Variants in KCNH7 observed in about 807,000 individuals in gnomAD.
KCNH7 encodes potassium voltage-gated channel subfamily H member 7.
A neutral mutation model predicts 120.8 loss-of-function variants in KCNH7; 49 were observed. The observed-to-expected ratio is 0.41, with a 90% CI of 0.32 to 0.51. The LOEUF is 0.51. KCNH7 is among the 20% of genes least tolerant of loss of function. The probability of loss-of-function intolerance (pLI) is 0.38; values close to 1 mark genes in which losing one functional copy is unlikely to be tolerated. For synonymous variants in KCNH7, 547 were observed against 516.1 expected (o/e 1.06, Z -0.81); for missense variants, 1,097 against 1,446.6 (o/e 0.76, Z 3.92).
intron 2 of KCNH7, among the ~76,000 whole-genome samples, chr2:162,615,612 G>A (rs147530005): frequency 8.5e-4 from 130 of 152,108 alleles, no homozygotes; most frequent in African/African-American, 3.0e-3. Context: ...CAAATAGAAA[G>A]TATTATCTAT....
chr2:162,433,367 G>A (rs914020926), intron 8 of KCNH7, among the ~76,000 whole-genome samples: 4 of 151,952 alleles, frequency 2.6e-5, no homozygotes, highest in Admixed American at 6.6e-5. Context: ...CACATTACCC[G>A]ACTTCAAACT....
At chr2:162,450,755 G>A (rs189640481) in intron 6 of KCNH7, among the ~76,000 whole-genome samples, 1 of 152,130 alleles carries the variant, frequency 6.6e-6, no homozygotes, top group Non-Finnish European at 1.5e-5. Context: ...AGGTGGCCAA[G>A]TTTGGTTTTT....
intron 8 of KCNH7, among the ~76,000 whole-genome samples, 183 bp downstream of exon 8, chr2:162,435,015 C>A (rs1204206476): frequency 2.6e-5 from 4 of 152,026 alleles, no homozygotes; most frequent in South Asian, 2.1e-4. Context: ...TCAAAAAGAC[C>A]TTTTGGTGTC....
At chr2:162,836,348 T>C (rs1291147304) in intron 2 of KCNH7, among the ~76,000 whole-genome samples, 189 bp downstream of exon 2, 12 of 152,158 alleles carry the variant, frequency 7.9e-5, no homozygotes, top group Admixed American at 7.9e-4. Flanking sequence ...AGTACCCTTA[T>C]TCAAAGAAAA....
intron 2 of KCNH7, among the ~76,000 whole-genome samples, chr2:162,790,138 T>C (rs910594830): frequency 6.7e-6 from 1 of 150,094 alleles, no homozygotes; most frequent in Non-Finnish European, 1.5e-5. Context: ...AAATCATAAA[T>C]GAAAAAGGAA....
intron 2 of KCNH7, among the ~76,000 whole-genome samples, chr2:162,595,104 C>T (rs62188253): frequency 0.064 from 9,658 of 152,018 alleles, 404 homozygotes; most frequent in Middle Eastern, 0.18. Flanking sequence ...AATTTCTAAA[C>T]GAGAGAGGTT....
At chr2:162,465,708 G>T (rs1391244234) in intron 6 of KCNH7, among the ~76,000 whole-genome samples, 6 of 152,204 alleles carry the variant, frequency 3.9e-5, no homozygotes, top group East Asian at 1.9e-4. Flanking sequence ...AGTTAACTGG[G>T]TATATCAATA....
chr2:162,681,438 G>C (rs1685707002), intron 2 of KCNH7, among the ~76,000 whole-genome samples: 2 of 151,660 alleles, frequency 1.3e-5, no homozygotes, highest in African/African-American at 2.4e-5. Flanking sequence ...GTGTTCATTT[G>C]TGATAATTCA....
chr2:162,769,356 T>C (rs1026490094), intron 2 of KCNH7, among the ~76,000 whole-genome samples: 1 of 152,180 alleles, frequency 6.6e-6, no homozygotes, highest in Non-Finnish European at 1.5e-5. Context: ...TGTATACCTT[T>C]CCAAATACTA....
At chr2:162,678,942 A>G (rs1685618232) in intron 2 of KCNH7, among the ~76,000 whole-genome samples, 1 of 151,668 alleles carries the variant, frequency 6.6e-6, no homozygotes, top group African/African-American at 2.4e-5. Flanking sequence ...AAGAGTTTCA[A>G]ATATACACAA....
chr2:162,628,378 C>T (rs1163513912), intron 2 of KCNH7, among the ~76,000 whole-genome samples: 1 of 152,104 alleles, frequency 6.6e-6, no homozygotes, highest in African/African-American at 2.4e-5. Flanking sequence ...TGCCTTACCC[C>T]ATCCTTTCCA....
At chr2:162,492,279 G>A (rs1286460821) in intron 6 of KCNH7, among the ~76,000 whole-genome samples, 2 of 152,208 alleles carry the variant, frequency 1.3e-5, no homozygotes, top group Non-Finnish European at 2.9e-5. Context: ...AGGCTAGAAC[G>A]TGGGCCTAGT....
At chr2:162,731,641 G>A (rs12992093) in intron 2 of KCNH7, among the ~76,000 whole-genome samples, 3,229 of 151,860 alleles carry the variant, frequency 0.021, 72 homozygotes, top group East Asian at 0.11. Flanking sequence ...GCTATGAAAT[G>A]TCCATGAAAA....
intron 3 of KCNH7, among the ~76,000 whole-genome samples, chr2:162,521,972 C>T (rs750395260): frequency 4.5e-4 from 69 of 151,940 alleles, no homozygotes; most frequent in Non-Finnish European, 9.1e-4. Context: ...TGGTAAAAGA[C>T]ATGACAATGT....
chr2:162,414,450 T>C (rs1278047791), intron 9 of KCNH7, among the ~76,000 whole-genome samples: 1 of 151,308 alleles, frequency 6.6e-6, no homozygotes, highest in Non-Finnish European at 1.5e-5. Context: ...ATGCATTATA[T>C]AGTTATAGTA....
chr2:162,715,873 G>A (rs1329002475), intron 2 of KCNH7, among the ~76,000 whole-genome samples: 2 of 151,908 alleles, frequency 1.3e-5, no homozygotes, highest in African/African-American at 4.8e-5. Context: ...TTAAAATTAT[G>A]TTAAATGTAT....
intron 2 of KCNH7, among the ~76,000 whole-genome samples, chr2:162,827,197 T>TA (rs1315980706): frequency 6.6e-6 from 1 of 152,116 alleles, no homozygotes; most frequent in Non-Finnish European, 1.5e-5. Flanking sequence ...GCTTTCCCTT[T>TA]AAAATACTAG....
chr2:162,423,149 A>T, intron 9 of KCNH7, 187 bp downstream of exon 9: 1 of 1,232,202 alleles, frequency 8.1e-7, no homozygotes. Flanking sequence ...CACACAGTAT[A>T]ACTAGATATA....
At chr2:162,730,649 T>C (rs1251836674) in intron 2 of KCNH7, among the ~76,000 whole-genome samples, 3 of 152,056 alleles carry the variant, frequency 2.0e-5, no homozygotes, top group Non-Finnish European at 4.4e-5. Flanking sequence ...TGTGGTGTGA[T>C]AGGCAGTTTT....
Sources: allele counts gnomAD v4.1 joint callset (sites outside exome capture counted in the v4.1 genomes callset), GRCh38; gene constraint gnomAD v4.1.1; transcripts MANE v1.5; gene names NCBI Gene and HGNC (gene_info 2026-07-23, HGNC 2026-07-21).